Variants in WIF1 observed in about 807,000 individuals in gnomAD.
The protein encoded by WIF1 is Wnt inhibitory factor 1.
A neutral mutation model predicts 53.5 loss-of-function variants in WIF1; 35 were observed. The ratio of observed to expected loss-of-function variants is 0.65; its 90% CI spans 0.50 to 0.87. The LOEUF is 0.87. Ranked by LOEUF, WIF1 falls within the 40% of genes least tolerant of loss-of-function variation. WIF1 has a pLI of 0.00. For synonymous variants in WIF1, 171 were observed against 170.4 expected (o/e 1.00, Z -0.03); for missense variants, 467 against 476.8 (o/e 0.98, Z 0.19).
chr12:65,112,671 T>C (rs1883451863), intron 2 of WIF1, among the ~76,000 whole-genome samples: 1 of 152,110 alleles, frequency 6.6e-6, no homozygotes, highest in Non-Finnish European at 1.5e-5. Context: ...CCAGACTCTC[T>C]CTCCATTATT....
intron 2 of WIF1, among the ~76,000 whole-genome samples, chr12:65,101,907 G>T (rs1883287346): frequency 6.6e-6 from 1 of 152,130 alleles, no homozygotes; most frequent in Middle Eastern, 3.2e-3. Context: ...CCCAGCTTGG[G>T]ATCAGGAGGA....
chr12:65,067,599 A>G, intron 5 of WIF1, 96 bp downstream of exon 5: 1 of 1,275,820 alleles, frequency 7.8e-7, no homozygotes, highest in Non-Finnish European at 1.1e-6. Flanking sequence ...CAGGAAAATA[A>G]TTTCAGGTGT....
At chr12:65,072,537 C>G (rs1882800059) in intron 3 of WIF1, among the ~76,000 whole-genome samples, 1 of 152,122 alleles carries the variant, frequency 6.6e-6, no homozygotes, top group Non-Finnish European at 1.5e-5. Flanking sequence ...TAGGTACCAA[C>G]AGATGTGATA....
At chr12:65,059,837 A>C (rs187796165) in intron 7 of WIF1, among the ~76,000 whole-genome samples, 2 of 152,136 alleles carry the variant, frequency 1.3e-5, no homozygotes, top group Admixed American at 6.5e-5. Context: ...TTTTTAGTAG[A>C]GATGAGGGTT....
rs866026152 is a variant in WIF1 at position 65,092,535 on chromosome 12, G to A, written c.289-14681C>T. On this transcript the variant is annotated intron_variant, in intron 2 of 9. Coordinates refer to ENST00000286574, the MANE Select transcript of WIF1 (RefSeq NM_007191.5). Reference sequence around the variant, plus strand: ...ATATATATATATATGCATGGTATGCGATTGCTGTTTCTGAGAGGACAGACT... The same window carrying A: ...ATATATATATATATGCATGGTATGCAATTGCTGTTTCTGAGAGGACAGACT... 2.0e-5 allele frequency among the ~76,000 whole-genome samples: 3 copies of A among 150,840 alleles called. No individual in the cohort carries two copies. In the Admixed American group the frequency reaches 2.0e-4, roughly 10 times the overall value.
chr12:65,084,532 C>G (rs1420633201), intron 2 of WIF1, among the ~76,000 whole-genome samples: 1 of 152,212 alleles, frequency 6.6e-6, no homozygotes, highest in Non-Finnish European at 1.5e-5. Flanking sequence ...CCTTAAACAT[C>G]TACCACTATG....
At chr12:65,108,134 C>T (rs907795232) in intron 2 of WIF1, among the ~76,000 whole-genome samples, 48 of 152,294 alleles carry the variant, frequency 3.2e-4, no homozygotes, top group African/African-American at 9.9e-4. Context: ...AATTATAATA[C>T]GTTTAATATT....
At chr12:65,114,364 A>G (rs1779154758) in intron 2 of WIF1, among the ~76,000 whole-genome samples, 2 of 152,152 alleles carry the variant, frequency 1.3e-5, no homozygotes, top group South Asian at 4.1e-4. Flanking sequence ...TTTTTATAAA[A>G]TTAGCAAATA....
At chr12:65,082,745 C>T (rs1383002286) in intron 2 of WIF1, among the ~76,000 whole-genome samples, 1 of 152,070 alleles carries the variant, frequency 6.6e-6, no homozygotes, top group Non-Finnish European at 1.5e-5. Context: ...AGAAAGGAAG[C>T]AGAGAATTGC....
Position 65,109,680 on chromosome 12 carries a change from A to G in WIF1, c.288+10737T>C, listed in dbSNP as rs1592404399. ...AAGATATTCCAAAAGTTGTCAGAGC[A>G]GATCTGAGGAAAGTCTCTGAAGTAT... On this transcript the variant is annotated intron_variant, in intron 2 of 9. Transcript: ENST00000286574. Among the ~76,000 whole-genome samples, 11 of 152,382 alleles carry G rather than the reference A, an allele frequency of 7.2e-5. 1 individual carries two copies. In the South Asian group the frequency reaches 2.1e-3, roughly 29 times the overall value.
intron 7 of WIF1, among the ~76,000 whole-genome samples, chr12:65,060,731 C>T (rs1225563656): frequency 1.3e-5 from 2 of 152,286 alleles, no homozygotes; most frequent in South Asian, 2.1e-4. Context: ...CATAATTCAA[C>T]TATACTTTTT....
chr12:65,067,722 C>A lies in WIF1; in HGVS notation c.607G>T (p.Gly203Trp). Residue 203 changes from glycine (G) to tryptophan (W), a missense_variant, in exon 5 of 10, where the codon GGG becomes TGG. Gly to Trp is a radical substitution (Grantham distance 184). Transcript: ENST00000286574. The stretch of plus-strand genomic sequence containing the variant: ...TTCTCACAGTGAGGTCCGTGGAACC[C>A]ATCAGGACACTCGCAGATGCGTCTT... ...NERRICECPD[G>W]FHGPHCEKAL... The A allele has an allele frequency of 6.2e-7, 1 of 1,613,342 alleles. No individual in the cohort carries two copies. Among genetic ancestry groups the A allele is most frequent in the Non-Finnish European group, 8.5e-7 (1 of 1,179,456 alleles).
intron 2 of WIF1, among the ~76,000 whole-genome samples, chr12:65,103,733 A>T (rs1284179687): frequency 6.6e-6 from 1 of 152,194 alleles, no homozygotes; most frequent in Non-Finnish European, 1.5e-5. Context: ...ATATATGTAC[A>T]TGTACCTTGG....
intron 3 of WIF1, among the ~76,000 whole-genome samples, chr12:65,075,027 C>T (rs1292456843): frequency 6.6e-6 from 1 of 152,030 alleles, no homozygotes; most frequent in Admixed American, 6.6e-5. Context: ...ATACTCACGT[C>T]CTTGGGGCTA....
chr12:65,094,870 G>A (rs2136631916), intron 2 of WIF1, among the ~76,000 whole-genome samples: 1 of 151,398 alleles, frequency 6.6e-6, no homozygotes, highest in South Asian at 2.1e-4. Flanking sequence ...TGTTATCATG[G>A]ATTCTCCTCC....
intron 3 of WIF1, among the ~76,000 whole-genome samples, chr12:65,074,835 A>G (rs1319323719): frequency 2.8e-5 from 4 of 140,950 alleles, no homozygotes; most frequent in Middle Eastern, 3.3e-3. Flanking sequence ...AAAAAAAAAA[A>G]AAAGAAAAGA....
intron 2 of WIF1, among the ~76,000 whole-genome samples, chr12:65,119,396 GAA>G (rs1291057474): frequency 6.6e-6 from 1 of 151,950 alleles, no homozygotes. Context: ...AGAAGAAGAA[GAA>G]AAAGAGAACA....
intron 2 of WIF1, among the ~76,000 whole-genome samples, chr12:65,094,950 TTTG>T (rs1883181216): frequency 2.1e-5 from 3 of 146,016 alleles, no homozygotes; most frequent in African/African-American, 7.7e-5. Flanking sequence ...ATTTATTTAT[TTTG>T]ACAAGGTCTC....
At chr12:65,115,070 A>G (rs1883488393) in intron 2 of WIF1, among the ~76,000 whole-genome samples, 1 of 151,758 alleles carries the variant, frequency 6.6e-6, no homozygotes, top group South Asian at 2.1e-4. Context: ...ATAGACACCA[A>G]TTTCACCCCA....
Sources: allele counts gnomAD v4.1 joint callset (sites outside exome capture counted in the v4.1 genomes callset), GRCh38; gene constraint gnomAD v4.1.1; transcripts MANE v1.5; gene names NCBI Gene and HGNC (gene_info 2026-07-23, HGNC 2026-07-21).